Variants in ERCC6L observed in about 807,000 individuals in gnomAD.
ERCC6L encodes the protein DNA excision repair protein ERCC-6-like.
Under a neutral mutation model 20.1 loss-of-function variants are expected in ERCC6L, and 7 were observed. The observed-to-expected ratio is 0.35, with a 90% CI of 0.20 to 0.65. The LOEUF is 0.65. Ranked by LOEUF, ERCC6L falls within the 30% of genes least tolerant of loss-of-function variation. The pLI, the probability that ERCC6L is intolerant of heterozygous loss-of-function variation, is 0.69. For synonymous variants in ERCC6L, 278 were observed against 331.3 expected (o/e 0.84, Z 1.75); for missense variants, 592 against 892.4 (o/e 0.66, Z 4.29).
chrX:72,222,777 T>C (rs970191897), intron 1 of ERCC6L, among the ~76,000 whole-genome samples: 2 of 108,100 alleles, frequency 1.9e-5, no homozygotes, highest in Non-Finnish European at 3.8e-5. Context: ...TTTGTATTTT[T>C]AGTAGAGACA....
rs146825901 is a variant in ERCC6L at position 72,221,677 on chromosome X, T to C, written c.69-12979A>G. Among the ~76,000 whole-genome samples the C allele has an allele frequency of 2.2e-3, 246 of 111,017 alleles. 2 individuals carry two copies. The highest frequency in any genetic ancestry group is 7.7e-3 in the African/African-American group (236 of 30,509). On this transcript the variant is annotated intron_variant, in intron 1 of 1. Transcript: ENST00000334463. ...ATAATGACAGCCGATGGTTGGAAAA[T>C]GTCACCTTTTACTTGCAAATTCTTA...
Position 72,204,826 on chromosome X carries a change from A to G in ERCC6L, c.*188T>C. On this transcript the variant is annotated 3_prime_UTR_variant, in exon 2 of 2. Transcript: ENST00000334463. Reference sequence around the variant, plus strand: ...CCTAAAATATAAGAATATTCAAGTGAAGAAATATTAAGCTAGTGCTCAGAA... The same window carrying G: ...CCTAAAATATAAGAATATTCAAGTGGAGAAATATTAAGCTAGTGCTCAGAA... 3.1e-6 allele frequency: 1 copy of G among 325,370 alleles called. No homozygotes were observed. Among genetic ancestry groups the G allele is most frequent in the South Asian group, 1.1e-4 (1 of 9,451 alleles). The allele number at this position is 325,370 out of a possible 1,213,427, so 26.8% of individuals were successfully genotyped here.
Position 72,205,494 on chromosome X carries a change from T to C in ERCC6L, c.3273A>G (p.Arg1091=), listed in dbSNP as rs773169783. ...TAAGAGACCTCCTAGAAGCCAGAGA[T>C]CTTCTAGAGTTCATAGACTTATTTA... ...SSVNKSMNSR[R]SLASRRSLIN... The change falls in exon 2 of 2, where the codon AGA becomes AGG. Residue 1091 remains arginine (R), a synonymous_variant. Coordinates refer to ENST00000334463, the MANE Select transcript of ERCC6L (RefSeq NM_017669.4). 1.7e-5 allele frequency: 20 copies of C among 1,208,990 alleles called. No homozygotes were observed. The African/African-American group carries it at 3.3e-4, about 20-fold the overall frequency.
intron 1 of ERCC6L, among the ~76,000 whole-genome samples, chrX:72,212,770 G>A (rs1019611946): frequency 1.8e-5 from 2 of 111,320 alleles, no homozygotes; most frequent in Admixed American, 9.5e-5. Context: ...GTGAAGCCCT[G>A]GTCTCTACAA....
chrX:72,206,328 A>G lies in ERCC6L; in HGVS notation c.2439T>C (p.Thr813=), dbSNP rs768941124. Residue 813 remains threonine, a synonymous_variant, in exon 2 of 2, where the codon ACT becomes ACC. Coordinates refer to ENST00000334463, the MANE Select transcript of ERCC6L (RefSeq NM_017669.4). ...KGTGSADSIA[T]LPKGFGSVEE... ...CTACACTTCCAAACCCCTTTGGTAA[A>G]GTAGCTATAGAGTCAGCACTACCTG... is the stretch of plus-strand genomic sequence containing the variant. 9 of 1,208,090 alleles carry G rather than the reference A, an allele frequency of 7.4e-6. No individual in the cohort carries two copies. The highest frequency in any genetic ancestry group is 1.0e-5 in the Non-Finnish European group (9 of 894,211).
intron 1 of ERCC6L, among the ~76,000 whole-genome samples, chrX:72,219,377 A>T (rs1265144478): frequency 1.8e-5 from 2 of 109,006 alleles, no homozygotes; most frequent in Non-Finnish European, 3.8e-5. Flanking sequence ...AACATGGTGA[A>T]ACCCCATCTC....
Position 72,219,318 on chromosome X carries a change from C to T in ERCC6L, c.69-10620G>A, listed in dbSNP as rs1365666013. Among the ~76,000 whole-genome samples the T allele has an allele frequency of 2.7e-5, 3 of 109,905 alleles. No individual in the cohort carries two copies. The East Asian group carries it at 8.6e-4, about 31-fold the overall frequency. On this transcript the variant is annotated intron_variant, in intron 1 of 1. Transcript: ENST00000334463. ...CCTGTAATCCCAGTACTTTGTGAGGCCAAGGCGGGAGGATCACCTGAGGTC... is the reference window on the plus strand; with the variant it reads ...CCTGTAATCCCAGTACTTTGTGAGGTCAAGGCGGGAGGATCACCTGAGGTC...
intron 1 of ERCC6L, among the ~76,000 whole-genome samples, chrX:72,233,179 A>G (rs1254578014): frequency 8.9e-6 from 1 of 111,814 alleles, no homozygotes; most frequent in East Asian, 2.8e-4. Flanking sequence ...GATATGACAC[A>G]ATATAGCTAC....
chrX:72,212,598 C>T (rs2042861920), intron 1 of ERCC6L, among the ~76,000 whole-genome samples: 2 of 112,035 alleles, frequency 1.8e-5, no homozygotes, highest in South Asian at 7.3e-4. Context: ...ACTTGATTTT[C>T]CTTGCTATGG....
chrX:72,230,988 G>A (rs1271383945), intron 1 of ERCC6L, among the ~76,000 whole-genome samples: 2 of 111,674 alleles, frequency 1.8e-5, no homozygotes, highest in African/African-American at 6.5e-5. Flanking sequence ...ACATACATAA[G>A]TATGGCCATT....
At position 72,205,393 on chromosome X, in the gene ERCC6L, T is replaced by C; in HGVS notation, c.3374A>G (p.Asp1125Gly). ...DDSSEAKGPE[D>G]YPEEGVEESS... ...TTCCTCCACCCCTTCTTCTGGATAA[T>C]CTTCAGGACCCTTTGCTTCACTGCT... Residue 1125 changes from aspartate to glycine, a missense_variant, in exon 2 of 2, where the codon GAT becomes GGT. Coordinates refer to ENST00000334463, the MANE Select transcript of ERCC6L (RefSeq NM_017669.4). 1 of 1,212,000 alleles carries C rather than the reference T, an allele frequency of 8.3e-7. No individual in the cohort carries two copies. Among genetic ancestry groups the C allele is most frequent in the Non-Finnish European group, 1.1e-6 (1 of 895,533 alleles).
At chrX:72,213,444 A>G (rs1307349091) in intron 1 of ERCC6L, among the ~76,000 whole-genome samples, 4 of 111,448 alleles carry the variant, frequency 3.6e-5, no homozygotes, top group African/African-American at 9.8e-5. Context: ...GGTCCCTCCC[A>G]TTGTATGGGA....
intron 1 of ERCC6L, among the ~76,000 whole-genome samples, chrX:72,214,368 C>G (rs886389738): frequency 6.3e-5 from 7 of 111,856 alleles, no homozygotes; most frequent in African/African-American, 2.3e-4. Context: ...ATTTAAGAGT[C>G]AAAAAAACAA....
chrX:72,219,171 G>A (rs1042517325), intron 1 of ERCC6L, among the ~76,000 whole-genome samples: 1 of 111,581 alleles, frequency 9.0e-6, no homozygotes, highest in Admixed American at 9.5e-5. Flanking sequence ...CAGGAGAATC[G>A]CTTGAACCCA....
intron 1 of ERCC6L, among the ~76,000 whole-genome samples, chrX:72,211,572 G>A (rs2042854444): frequency 9.0e-6 from 1 of 111,336 alleles, no homozygotes; most frequent in South Asian, 3.8e-4. Context: ...AATTCAAGAT[G>A]AGATTGAGGA....
rs771327951 is a variant in ERCC6L at position 72,208,224 on chromosome X, C to T, written c.543G>A (p.Lys181=). Residue 181 remains lysine, a synonymous_variant, in exon 2 of 2, where the codon AAG becomes AAA. Coordinates refer to ENST00000334463, the MANE Select transcript of ERCC6L (RefSeq NM_017669.4). ...MRVKTFHGPS[K]DERTRNLNRI... is the part of the protein sequence containing the mutation. ...GATTGAGGTTTCTGGTCCGTTCATC[C>T]TTGCTAGGACCATGAAAGGTTTTGA... is the stretch of plus-strand genomic sequence containing the variant. 1.7e-5 allele frequency: 20 copies of T among 1,209,740 alleles called. No homozygotes were observed. Among genetic ancestry groups the T allele is most frequent in the Non-Finnish European group, 2.2e-5 (20 of 895,039 alleles).
chrX:72,208,866 G>A (rs962957047), intron 1 of ERCC6L, among the ~76,000 whole-genome samples, 168 bp from the exon 2 acceptor site: 3 of 112,150 alleles, frequency 2.7e-5, no homozygotes, highest in Non-Finnish European at 5.6e-5. Context: ...CGTCACTTGA[G>A]ACACAAACAA....
chrX:72,215,110 C>A (rs1445082912), intron 1 of ERCC6L, among the ~76,000 whole-genome samples: 1 of 112,124 alleles, frequency 8.9e-6, no homozygotes, highest in African/African-American at 3.2e-5. Flanking sequence ...CAAAAACATG[C>A]TGAGGAAAAG....
At chrX:72,233,785 TA>T (rs960001911) in intron 1 of ERCC6L, among the ~76,000 whole-genome samples, 1 of 108,219 alleles carries the variant, frequency 9.2e-6, no homozygotes, top group African/African-American at 3.4e-5. Context: ...TTTATTTTGT[TA>T]GGTGTGATAT....
Sources: allele counts gnomAD v4.1 joint callset (sites outside exome capture counted in the v4.1 genomes callset), GRCh38; gene constraint gnomAD v4.1.1; transcripts MANE v1.5; gene names NCBI Gene and HGNC (gene_info 2026-07-23, HGNC 2026-07-21).